PPM1H: variants seen among roughly 807,000 people sequenced by gnomAD.
The protein encoded by PPM1H is protein phosphatase 1H.
PPM1H carries 27 observed loss-of-function variants against 54.9 expected under a neutral mutation model. That is an observed-to-expected ratio of 0.49 (90% CI 0.36 to 0.68). The LOEUF (loss-of-function observed/expected upper bound fraction) is 0.68, where lower values mean the gene tolerates loss of function less well. Among genes scored for constraint, PPM1H ranks in the 30% least tolerant of loss-of-function variants. The probability of loss-of-function intolerance (pLI) is 0.00; values close to 1 mark genes in which losing one functional copy is unlikely to be tolerated. For synonymous variants in PPM1H, 305 were observed against 270.8 expected, an observed-to-expected ratio of 1.13 and a Z score of -1.24; for missense variants, 596 against 667.8, an observed-to-expected ratio of 0.89 and a Z score of 1.19.
At chr12:62,931,455 G>C (rs1872128859) in intron 1 of PPM1H, among the ~76,000 whole-genome samples, 1 of 152,144 alleles carries the variant, frequency 6.6e-6, no homozygotes, top group Non-Finnish European at 1.5e-5. Flanking sequence ...CAGCCATTTT[G>C]ATCATTCAGG....
At chr12:62,870,446 T>C (rs1869935797) in intron 1 of PPM1H, among the ~76,000 whole-genome samples, 1 of 152,082 alleles carries the variant, frequency 6.6e-6, no homozygotes, top group Non-Finnish European at 1.5e-5. Flanking sequence ...AAGAGGTCAT[T>C]TCAGTTTTTC....
Position 62,832,102 on chromosome 12 carries a change from GA to G in PPM1H, c.411+11del, listed in dbSNP as rs1263758599. 1 of 1,612,984 alleles carries G rather than the reference GA, an allele frequency of 6.2e-7. No individual in the cohort carries two copies. Among genetic ancestry groups the G allele is most frequent in the Non-Finnish European group, 8.5e-7 (1 of 1,179,212 alleles). On this transcript the variant is annotated intron_variant, in intron 2 of 9. Coordinates refer to ENST00000228705, the MANE Select transcript of PPM1H (RefSeq NM_020700.2). ...TTCTCACCTGAGAACCAAGGATCGA[GA>G]AGGGTCTTACCGAGTTCTCCTTCAG...
At chr12:62,885,060 G>A (rs1870539104) in intron 1 of PPM1H, among the ~76,000 whole-genome samples, 1 of 152,108 alleles carries the variant, frequency 6.6e-6, no homozygotes, top group East Asian at 1.9e-4. Flanking sequence ...TTACATGGTG[G>A]CGACAAAAGA....
intron 1 of PPM1H, among the ~76,000 whole-genome samples, chr12:62,854,355 G>C (rs1323005078): frequency 2.6e-5 from 4 of 152,076 alleles, no homozygotes; most frequent in African/African-American, 9.7e-5. Context: ...CTACAGTCTA[G>C]AAAATCTTAA....
At chr12:62,664,799 C>T (rs548440291) in intron 9 of PPM1H, among the ~76,000 whole-genome samples, 17 of 152,208 alleles carry the variant, frequency 1.1e-4, no homozygotes, top group Admixed American at 2.6e-4. Flanking sequence ...GGTTAGTTGG[C>T]GGTAATATGT....
chr12:62,919,461 C>T (rs1464705148), intron 1 of PPM1H, among the ~76,000 whole-genome samples: 1 of 152,104 alleles, frequency 6.6e-6, no homozygotes, highest in African/African-American at 2.4e-5. Context: ...TAATGACTAA[C>T]ATTGTGGGCA....
At chr12:62,655,720 G>C (rs912182746) in intron 9 of PPM1H, among the ~76,000 whole-genome samples, 3 of 152,176 alleles carry the variant, frequency 2.0e-5, no homozygotes, top group Admixed American at 1.3e-4. Context: ...GCCGGAGCCC[G>C]ATGCTTCTGG....
chr12:62,725,661 G>A (rs1180193294), intron 5 of PPM1H, among the ~76,000 whole-genome samples: 1 of 152,116 alleles, frequency 6.6e-6, no homozygotes, highest in Non-Finnish European at 1.5e-5. Flanking sequence ...AGATTTGTAT[G>A]CTTTTCTCTT....
At chr12:62,912,969 A>G (rs1037769344) in intron 1 of PPM1H, among the ~76,000 whole-genome samples, 16 of 152,328 alleles carry the variant, frequency 1.1e-4, no homozygotes, top group African/African-American at 3.8e-4. Context: ...ACTATAATTT[A>G]TACTCACATT....
At chr12:62,877,107 T>A (rs1269742848) in intron 1 of PPM1H, among the ~76,000 whole-genome samples, 2 of 152,188 alleles carry the variant, frequency 1.3e-5, no homozygotes, top group African/African-American at 4.8e-5. Flanking sequence ...CATATTTTGC[T>A]CTAATTAGAA....
At chr12:62,881,243 G>A (rs540394950) in intron 1 of PPM1H, among the ~76,000 whole-genome samples, 17 of 152,284 alleles carry the variant, frequency 1.1e-4, no homozygotes, top group Admixed American at 3.9e-4. Flanking sequence ...AGATGTGGCC[G>A]TCTGTAGCAC....
At chr12:62,689,255 T>C (rs536119953) in intron 8 of PPM1H, among the ~76,000 whole-genome samples, 5 of 152,318 alleles carry the variant, frequency 3.3e-5, no homozygotes, top group African/African-American at 1.2e-4. Flanking sequence ...TAAGGTCATG[T>C]AAGGGAAACA....
At chr12:62,855,741 C>A (rs1157858284) in intron 1 of PPM1H, among the ~76,000 whole-genome samples, 1 of 152,152 alleles carries the variant, frequency 6.6e-6, no homozygotes, top group Non-Finnish European at 1.5e-5. Flanking sequence ...ACAACTGAGT[C>A]CAATTTTCAT....
chr12:62,833,811 C>T (rs1328821736), intron 1 of PPM1H, among the ~76,000 whole-genome samples: 1 of 152,138 alleles, frequency 6.6e-6, no homozygotes, highest in African/African-American at 2.4e-5. Context: ...CCCATCTGTA[C>T]ATGTGATCAA....
At chr12:62,653,714 G>T (rs189750767) in intron 9 of PPM1H, among the ~76,000 whole-genome samples, 1 of 152,256 alleles carries the variant, frequency 6.6e-6, no homozygotes, top group African/African-American at 2.4e-5. Flanking sequence ...CTTTACTGAG[G>T]GGCAGTATGG....
chr12:62,664,608 T>C (rs2075906041), intron 9 of PPM1H, among the ~76,000 whole-genome samples: 2 of 152,250 alleles, frequency 1.3e-5, no homozygotes, highest in Non-Finnish European at 2.9e-5. Context: ...TTTAGTTCTA[T>C]CATTTTTAAC....
At chr12:62,897,453 C>T (rs946198127) in intron 1 of PPM1H, among the ~76,000 whole-genome samples, 2 of 152,082 alleles carry the variant, frequency 1.3e-5, no homozygotes, top group African/African-American at 4.8e-5. Flanking sequence ...TTAAGACACA[C>T]CACTTAATGA....
At chr12:62,868,473 A>G (rs989910121) in intron 1 of PPM1H, among the ~76,000 whole-genome samples, 2 of 152,148 alleles carry the variant, frequency 1.3e-5, no homozygotes, top group African/African-American at 4.8e-5. Context: ...CCCTCCCCCA[A>G]ATAGATAAAC....
intron 6 of PPM1H, among the ~76,000 whole-genome samples, chr12:62,716,893 A>G (rs997977675): frequency 6.6e-6 from 1 of 152,216 alleles, no homozygotes; most frequent in African/African-American, 2.4e-5. Context: ...GGGTAAAAAC[A>G]TTTTAAAAAG....
Sources: allele counts gnomAD v4.1 joint callset (sites outside exome capture counted in the v4.1 genomes callset), GRCh38; gene constraint gnomAD v4.1.1; transcripts MANE v1.5; gene names NCBI Gene and HGNC (gene_info 2026-07-23, HGNC 2026-07-21).